LRRTM4: variants seen among roughly 807,000 people sequenced by gnomAD.
LRRTM4 encodes the protein leucine-rich repeat transmembrane neuronal protein 4.
In LRRTM4, 25 loss-of-function variants were observed where a neutral mutation model predicts 47.6. The ratio of observed to expected loss-of-function variants is 0.53; its 90% confidence interval spans 0.38 to 0.73. The LOEUF (loss-of-function observed/expected upper bound fraction) is 0.73, where lower values mean the gene tolerates loss of function less well. Ranked by LOEUF, LRRTM4 falls within the 30% of genes least tolerant of loss-of-function variation. The pLI is 0.00. For missense variants in LRRTM4, 638 were observed against 713.4 expected (o/e 0.89, Z 1.20); for synonymous variants, 311 against 269.5 (o/e 1.15, Z -1.51).
At chr2:76,870,421 G>C (rs1252607754) in intron 3 of LRRTM4, among the ~76,000 whole-genome samples, 1 of 151,978 alleles carries the variant, frequency 6.6e-6, no homozygotes, top group Admixed American at 6.6e-5. Context: ...TCCGCCTTGA[G>C]AGTTTCCCAA....
chr2:77,513,708 G>C (rs1424928180), intron 3 of LRRTM4, among the ~76,000 whole-genome samples: 2 of 152,040 alleles, frequency 1.3e-5, no homozygotes, highest in South Asian at 2.1e-4. Flanking sequence ...TGAGATTATA[G>C]CTGTGCGCCA....
intron 3 of LRRTM4, among the ~76,000 whole-genome samples, chr2:76,906,859 G>A (rs2103764794): frequency 6.6e-6 from 1 of 151,276 alleles, no homozygotes; most frequent in South Asian, 2.1e-4. Flanking sequence ...AGTCCTGAGT[G>A]ACCTACAAAG....
At chr2:76,789,069 T>C (rs1305701131) in intron 3 of LRRTM4, among the ~76,000 whole-genome samples, 1 of 152,184 alleles carries the variant, frequency 6.6e-6, no homozygotes, top group Admixed American at 6.5e-5. Context: ...TATTACAAAA[T>C]GATTCTTAGT....
chr2:77,084,738 T>G (rs1261759942), intron 3 of LRRTM4, among the ~76,000 whole-genome samples: 2 of 152,186 alleles, frequency 1.3e-5, no homozygotes, highest in African/African-American at 4.8e-5. Context: ...GACCTACTAT[T>G]TCATAATATT....
chr2:76,854,359 A>T (rs1161354502), intron 3 of LRRTM4, among the ~76,000 whole-genome samples: 1 of 152,150 alleles, frequency 6.6e-6, no homozygotes, highest in African/African-American at 2.4e-5. Context: ...TTTTCCCTCA[A>T]TAAATGTATA....
At chr2:77,196,094 G>A (rs1673818218) in intron 3 of LRRTM4, among the ~76,000 whole-genome samples, 1 of 152,108 alleles carries the variant, frequency 6.6e-6, no homozygotes, top group South Asian at 2.1e-4. Flanking sequence ...TAGTACATTA[G>A]AAATAATGGT....
At chr2:76,792,656 C>G (rs1427944669) in intron 3 of LRRTM4, among the ~76,000 whole-genome samples, 1 of 152,050 alleles carries the variant, frequency 6.6e-6, no homozygotes, top group African/African-American at 2.4e-5. Context: ...ATGATCAATT[C>G]TCTGTTGAAT....
At chr2:77,491,250 G>A (rs901287075) in intron 3 of LRRTM4, among the ~76,000 whole-genome samples, 1 of 151,882 alleles carries the variant, frequency 6.6e-6, no homozygotes, top group African/African-American at 2.4e-5. Context: ...GGAAGAATCA[G>A]TAAACAAAGA....
chr2:76,996,692 G>A (rs771456389), intron 3 of LRRTM4, among the ~76,000 whole-genome samples: 22 of 152,010 alleles, frequency 1.4e-4, no homozygotes, highest in Non-Finnish European at 3.2e-4. Context: ...AAATACCTCT[G>A]GTAATAATCT....
At chr2:77,221,250 CA>C (rs2103948213) in intron 3 of LRRTM4, among the ~76,000 whole-genome samples, 1 of 152,332 alleles carries the variant, frequency 6.6e-6, no homozygotes, top group East Asian at 1.9e-4. Flanking sequence ...ACTGCAAAAA[CA>C]TGCCAAATTG....
intron 3 of LRRTM4, among the ~76,000 whole-genome samples, chr2:77,006,461 T>C (rs945886439): frequency 6.6e-6 from 1 of 152,158 alleles, no homozygotes; most frequent in Non-Finnish European, 1.5e-5. Context: ...AATTTTATTT[T>C]GGTAGATGAG....
In LRRTM4 at chr2:76,842,581, A is replaced by T. The variant is rs554811030; in HGVS notation, c.1552-93665T>A. 2.0e-5 allele frequency among the ~76,000 whole-genome samples: 3 copies of T among 152,320 alleles called. No individual in the cohort carries two copies. In the East Asian group the frequency reaches 5.8e-4, roughly 29 times the overall value. ...ACTGTTAGGCAGAATCATCTAATAG[A>T]AAGCCTATATATTAAGATAAAGTGT... On this transcript the variant is annotated intron_variant, in intron 3 of 3. Coordinates refer to ENST00000409884, the MANE Select transcript of LRRTM4 (RefSeq NM_001134745.3).
chr2:77,218,889 G>T (rs10168749), intron 3 of LRRTM4, among the ~76,000 whole-genome samples: 69,119 of 151,968 alleles, frequency 0.45, 17,412 homozygotes, highest in Non-Finnish European at 0.56. Flanking sequence ...AAACAAAAAA[G>T]ATTGGGTCTC....
At chr2:77,119,256 T>C (rs552858579) in intron 3 of LRRTM4, among the ~76,000 whole-genome samples, 1 of 152,016 alleles carries the variant, frequency 6.6e-6, no homozygotes, top group Non-Finnish European at 1.5e-5. Flanking sequence ...TTCTTCCTTT[T>C]CCTTCTGCTG....
At chr2:77,085,186 CT>C (rs1226437867) in intron 3 of LRRTM4, among the ~76,000 whole-genome samples, 1 of 151,750 alleles carries the variant, frequency 6.6e-6, no homozygotes, top group Admixed American at 6.6e-5. Context: ...TACTATTGGT[CT>C]TTAATACATT....
chr2:77,001,419 A>T (rs1185824252), intron 3 of LRRTM4, among the ~76,000 whole-genome samples: 1 of 152,158 alleles, frequency 6.6e-6, no homozygotes, highest in African/African-American at 2.4e-5. Flanking sequence ...TCAACAAGCC[A>T]ACCATATCAG....
intron 3 of LRRTM4, among the ~76,000 whole-genome samples, chr2:76,992,093 C>T (rs755544100): frequency 1.6e-4 from 25 of 151,654 alleles, no homozygotes; most frequent in East Asian, 7.8e-4. Flanking sequence ...CATCCCTGCA[C>T]GATAAAAATT....
At chr2:77,159,866 T>C (rs918410622) in intron 3 of LRRTM4, among the ~76,000 whole-genome samples, 4 of 152,320 alleles carry the variant, frequency 2.6e-5, no homozygotes, top group East Asian at 1.9e-4. Context: ...TTAGTTTTAG[T>C]GCTTATATCA....
At chr2:77,187,095 C>A (rs1325295289) in intron 3 of LRRTM4, among the ~76,000 whole-genome samples, 1 of 152,054 alleles carries the variant, frequency 6.6e-6, no homozygotes, top group Non-Finnish European at 1.5e-5. Flanking sequence ...CAATGCCCAG[C>A]AAGGCACTTT....
Sources: allele counts gnomAD v4.1 joint callset (sites outside exome capture counted in the v4.1 genomes callset), GRCh38; gene constraint gnomAD v4.1.1; transcripts MANE v1.5; gene names NCBI Gene and HGNC (gene_info 2026-07-23, HGNC 2026-07-21).